MAML3: variants seen among roughly 807,000 people sequenced by gnomAD.
MAML3 encodes the protein mastermind like transcriptional coactivator 3.
In MAML3, 27 loss-of-function variants were observed where a neutral mutation model predicts 101.9. The observed-to-expected ratio is 0.27, with a 90% CI of 0.20 to 0.37. The LOEUF (loss-of-function observed/expected upper bound fraction) is 0.37. MAML3 is among the 10% of genes least tolerant of loss of function. The pLI is 1.00. For missense variants in MAML3, 1,316 were observed against 1,444.9 expected (o/e 0.91, Z 1.45); for synonymous variants, 501 against 555.9 (o/e 0.90, Z 1.39).
At chr4:139,929,147 C>T (rs926359985) in intron 1 of MAML3, among the ~76,000 whole-genome samples, 2 of 152,098 alleles carry the variant, frequency 1.3e-5, no homozygotes, top group Non-Finnish European at 2.9e-5. Context: ...TGAGATAGAT[C>T]GCTTCCCTGT....
intron 1 of MAML3, among the ~76,000 whole-genome samples, chr4:140,002,451 A>G (rs1023389430): frequency 6.6e-6 from 1 of 152,242 alleles, no homozygotes; most frequent in African/African-American, 2.4e-5. Flanking sequence ...AGCAGAAAAC[A>G]CAAATATGAT....
intron 1 of MAML3, among the ~76,000 whole-genome samples, chr4:140,037,317 A>G (rs1727003216): frequency 6.6e-6 from 1 of 152,096 alleles, no homozygotes; most frequent in South Asian, 2.1e-4. Context: ...TCCTCAGGTT[A>G]GGTTTTAACA....
At chr4:140,012,594 T>C (rs1042437349) in intron 1 of MAML3, among the ~76,000 whole-genome samples, 12 of 152,246 alleles carry the variant, frequency 7.9e-5, no homozygotes, top group Non-Finnish European at 5.9e-5. Context: ...CCAAATAAAA[T>C]GTTCCTAAGT....
intron 1 of MAML3, among the ~76,000 whole-genome samples, chr4:139,948,202 G>A (rs1020031455): frequency 7.9e-5 from 12 of 152,012 alleles, no homozygotes; most frequent in African/African-American, 2.7e-4. Context: ...AAGTCTATGT[G>A]GAAAAACCCA....
chr4:139,874,805 C>CTT (rs35089838), intron 2 of MAML3, among the ~76,000 whole-genome samples: 6,444 of 133,024 alleles, frequency 0.048, 589 homozygotes, highest in African/African-American at 0.16. Flanking sequence ...CCTATCTTTC[C>CTT]TTTTTTTTTT....
At chr4:139,922,876 T>C (rs1334355163) in intron 1 of MAML3, among the ~76,000 whole-genome samples, 1 of 152,180 alleles carries the variant, frequency 6.6e-6, no homozygotes, top group Non-Finnish European at 1.5e-5. Flanking sequence ...GCTGTCAGCA[T>C]TGGCCAGCAG....
intron 1 of MAML3, among the ~76,000 whole-genome samples, chr4:140,090,523 C>A (rs1728025355): frequency 6.6e-6 from 1 of 152,190 alleles, no homozygotes; most frequent in Admixed American, 6.5e-5. Context: ...TCAGAACAAT[C>A]CTGTACTGGG....
chr4:139,783,811 C>T (rs1730258806), intron 2 of MAML3, among the ~76,000 whole-genome samples: 1 of 152,184 alleles, frequency 6.6e-6, no homozygotes, highest in Non-Finnish European at 1.5e-5. Context: ...TCCCAGTCAG[C>T]GATTGGCCGT....
intron 2 of MAML3, among the ~76,000 whole-genome samples, chr4:139,822,906 G>A (rs905299357): frequency 3.3e-5 from 5 of 152,206 alleles, no homozygotes; most frequent in Admixed American, 6.5e-5. Context: ...AATAGTTTGC[G>A]TGGTATCTCT....
intron 1 of MAML3, among the ~76,000 whole-genome samples, chr4:139,927,095 T>C (rs1733280420): frequency 6.6e-6 from 1 of 151,634 alleles, no homozygotes; most frequent in African/African-American, 2.4e-5. Flanking sequence ...TTGTACTTTT[T>C]GTACTTTTCG....
chr4:139,875,848 C>T (rs1241630381), intron 2 of MAML3, among the ~76,000 whole-genome samples: 1 of 139,848 alleles, frequency 7.2e-6, no homozygotes, highest in Admixed American at 7.7e-5. Context: ...AGCACTAATT[C>T]ATTCCATCCA....
chr4:139,843,768 C>T (rs142315771), intron 2 of MAML3, among the ~76,000 whole-genome samples: 11 of 152,286 alleles, frequency 7.2e-5, no homozygotes, highest in South Asian at 2.1e-4. Flanking sequence ...GGTCTGATCA[C>T]GTCCTAGTCT....
At chr4:139,930,847 A>AT (rs550183064) in intron 1 of MAML3, among the ~76,000 whole-genome samples, 11 of 150,364 alleles carry the variant, frequency 7.3e-5, no homozygotes, top group South Asian at 2.1e-4. Flanking sequence ...TGATTTCATG[A>AT]TTTTTTTTTT....
At chr4:139,891,420 G>A (rs1051703870) in intron 1 of MAML3, among the ~76,000 whole-genome samples, 2 of 152,124 alleles carry the variant, frequency 1.3e-5, no homozygotes, top group African/African-American at 4.8e-5. Context: ...CTAGGATACA[G>A]GCACGCGTCA....
chr4:139,968,287 G>C lies in MAML3; in HGVS notation c.469-77320C>G, dbSNP rs147674061. 8.1e-3 allele frequency among the ~76,000 whole-genome samples: 1,194 copies of C among 146,592 alleles called. 18 individuals carry two copies. The highest frequency in any genetic ancestry group is 0.028 in the African/African-American group (1,094 of 38,588). On this transcript the variant is annotated intron_variant, in intron 1 of 4. Coordinates refer to ENST00000509479, the MANE Select transcript of MAML3 (RefSeq NM_018717.5). ...ATCGTGCCACTACACTCCAGCCTGG[G>C]CAACAGAGTGAGGCTCTGTCTTAAA...
intron 2 of MAML3, among the ~76,000 whole-genome samples, chr4:139,783,373 G>A (rs1730249769): frequency 6.6e-6 from 1 of 152,172 alleles, no homozygotes; most frequent in Non-Finnish European, 1.5e-5. Context: ...CAAAAGTGGT[G>A]TCTACACATC....
intron 2 of MAML3, among the ~76,000 whole-genome samples, chr4:139,829,787 C>G (rs1731129479): frequency 6.6e-6 from 1 of 152,172 alleles, no homozygotes; most frequent in South Asian, 2.1e-4. Flanking sequence ...AGGCAGCAAA[C>G]AAGTTTTGCT....
intron 1 of MAML3, among the ~76,000 whole-genome samples, chr4:140,042,941 T>C (rs1471678918): frequency 6.6e-6 from 1 of 152,152 alleles, no homozygotes; most frequent in African/African-American, 2.4e-5. Context: ...CTCAGAGGCA[T>C]TTAGACTTGA....
chr4:139,822,028 C>T (rs989507859), intron 2 of MAML3, among the ~76,000 whole-genome samples: 1 of 152,114 alleles, frequency 6.6e-6, no homozygotes, highest in African/African-American at 2.4e-5. Flanking sequence ...TTTCTTAGCT[C>T]TTTCTGTTGG....
Sources: allele counts gnomAD v4.1 joint callset (sites outside exome capture counted in the v4.1 genomes callset), GRCh38; gene constraint gnomAD v4.1.1; transcripts MANE v1.5; gene names NCBI Gene and HGNC (gene_info 2026-07-23, HGNC 2026-07-21).